The following STAU2 variants were observed in gnomAD, a reference collection of about 807,000 sequenced individuals.
STAU2 encodes staufen double-stranded RNA binding protein 2, also known as double-stranded RNA-binding protein Staufen homolog 2.
A neutral mutation model predicts 65.9 loss-of-function variants in STAU2; 20 were observed. The observed-to-expected ratio is 0.30, with a 90% CI of 0.21 to 0.44. The LOEUF is 0.44. Ranked by LOEUF, STAU2 falls within the 20% of genes least tolerant of loss-of-function variation. The pLI, the probability that STAU2 is intolerant of heterozygous loss-of-function variation, is 1.00. For missense variants in STAU2, 558 were observed against 683.9 expected (o/e 0.82, Z 2.05); for synonymous variants, 232 against 233.9 (o/e 0.99, Z 0.07).
intron 12 of STAU2, among the ~76,000 whole-genome samples, chr8:73,568,154 T>G (rs1317253322): frequency 2.0e-5 from 3 of 152,230 alleles, no homozygotes; most frequent in Non-Finnish European, 4.4e-5. Context: ...CTCTCACATC[T>G]CTTATTTCTG....
At chr8:73,576,553 G>A (rs556270784) in intron 12 of STAU2, among the ~76,000 whole-genome samples, 5 of 152,266 alleles carry the variant, frequency 3.3e-5, no homozygotes, top group African/African-American at 1.2e-4. Flanking sequence ...TGGGGGATAT[G>A]AAAGAGGAGA....
At chr8:73,449,082 G>C (rs1360679930) in intron 13 of STAU2, among the ~76,000 whole-genome samples, 1 of 152,238 alleles carries the variant, frequency 6.6e-6, no homozygotes, top group Non-Finnish European at 1.5e-5. Context: ...TGAGAGGCCT[G>C]GGCCAGCCAA....
rs146312383 is a variant in STAU2, at chr8:73,643,816, T to G, written c.411-26365A>C. ...GGTGTATTACTACAGCAGAATACTA[T>G]GTAAATTTATTAAATAGTTGTACAC... is the stretch of plus-strand genomic sequence containing the variant. On this transcript the variant is annotated intron_variant, in intron 6 of 14. Coordinates refer to ENST00000524300, the MANE Select transcript of STAU2 (RefSeq NM_001164380.2). Among the ~76,000 whole-genome samples, 48 of 152,350 alleles carry G rather than the reference T, an allele frequency of 3.2e-4. No individual in the cohort carries two copies. The South Asian group carries it at 9.3e-3, about 30-fold the overall frequency.
intron 6 of STAU2, among the ~76,000 whole-genome samples, chr8:73,623,666 G>A (rs1177811134): frequency 2.6e-5 from 4 of 152,144 alleles, no homozygotes; most frequent in Non-Finnish European, 5.9e-5. Flanking sequence ...GAATTCAAAT[G>A]ACATGTCGAT....
chr8:73,626,985 G>C (rs1322393816), intron 6 of STAU2, among the ~76,000 whole-genome samples: 1 of 151,970 alleles, frequency 6.6e-6, no homozygotes, highest in African/African-American at 2.4e-5. Flanking sequence ...GGCAGAAGCA[G>C]TAAGATGTGC....
At chr8:73,433,560 G>A (rs1381924550) in intron 13 of STAU2, among the ~76,000 whole-genome samples, 1 of 150,072 alleles carries the variant, frequency 6.7e-6, no homozygotes, top group African/African-American at 2.5e-5. Context: ...GAGTGCAGTG[G>A]CACAATATCA....
In STAU2 at chr8:73,531,935, A is replaced by C. The variant is rs138683859; in HGVS notation, c.1530+20077T>G. 3.9e-3 allele frequency among the ~76,000 whole-genome samples: 596 copies of C among 152,328 alleles called. 4 individuals are homozygous for C. The highest frequency in any genetic ancestry group is 0.014 in the African/African-American group (572 of 41,564). On this transcript the variant is annotated intron_variant, in intron 13 of 14. Coordinates refer to ENST00000524300, the MANE Select transcript of STAU2 (RefSeq NM_001164380.2). The stretch of plus-strand genomic sequence containing the variant: ...GAAAAATGAATAAAGATAATTATAG[A>C]AAATTACAAAAGAGTCATCACCCTA...
intron 12 of STAU2, among the ~76,000 whole-genome samples, chr8:73,578,789 T>A (rs1048527362): frequency 6.6e-6 from 1 of 152,188 alleles, no homozygotes; most frequent in Non-Finnish European, 1.5e-5. Context: ...TTAAGTTGGA[T>A]CACTCAGCTT....
chr8:73,605,227 A>G (rs1441136348), intron 9 of STAU2, among the ~76,000 whole-genome samples: 1 of 151,872 alleles, frequency 6.6e-6, no homozygotes, highest in Admixed American at 6.6e-5. Flanking sequence ...AGATCTAAAT[A>G]GTCAATACAT....
At chr8:73,537,591 G>GC (rs1318353032) in intron 13 of STAU2, among the ~76,000 whole-genome samples, 2 of 152,146 alleles carry the variant, frequency 1.3e-5, no homozygotes, top group African/African-American at 4.8e-5. Flanking sequence ...AGAACTGTCA[G>GC]CCCAGACTTT....
intron 13 of STAU2, among the ~76,000 whole-genome samples, chr8:73,504,412 T>C (rs1169072807): frequency 6.6e-6 from 1 of 152,150 alleles, no homozygotes; most frequent in African/African-American, 2.4e-5. Flanking sequence ...AAAATATTCA[T>C]ATTGCTATCA....
At chr8:73,426,363 G>T (rs1816825444) in intron 13 of STAU2, among the ~76,000 whole-genome samples, 1 of 152,032 alleles carries the variant, frequency 6.6e-6, no homozygotes, top group Non-Finnish European at 1.5e-5. Context: ...ACATATTACT[G>T]TTAACTATAG....
At chr8:73,485,349 T>A (rs961538118) in intron 13 of STAU2, among the ~76,000 whole-genome samples, 4 of 151,928 alleles carry the variant, frequency 2.6e-5, no homozygotes, top group African/African-American at 9.7e-5. Flanking sequence ...ATATAACACA[T>A]GAGCATTGAT....
At chr8:73,708,908 G>T in intron 4 of STAU2, 124 bp downstream of exon 4, 1 of 837,318 alleles carries the variant, frequency 1.2e-6, no homozygotes, top group Non-Finnish European at 1.6e-6. Context: ...TATTAATGTA[G>T]AACTAAAAGC....
Position 73,602,660 on chromosome 8 carries a change from C to T in STAU2, c.1029+1066G>A, listed in dbSNP as rs540906578. On this transcript the variant is annotated intron_variant, in intron 10 of 14. Transcript: ENST00000524300. ...ATCTCTTGAGCCCAGGAAATCAAGG[C>T]TGCAGTGAGCCATGATCATGCCACC... Among the ~76,000 whole-genome samples, 12 of 150,736 alleles carry T rather than the reference C, an allele frequency of 8.0e-5. No homozygotes were observed. The South Asian group carries it at 1.9e-3, about 24-fold the overall frequency.
At chr8:73,671,148 T>C (rs988339069) in intron 6 of STAU2, among the ~76,000 whole-genome samples, 3 of 152,166 alleles carry the variant, frequency 2.0e-5, no homozygotes, top group Admixed American at 1.3e-4. Context: ...TACTACTTGA[T>C]GGCCACGTGA....
Position 73,489,214 on chromosome 8 carries a change from C to T in STAU2, c.1530+62798G>A, listed in dbSNP as rs556240449. Among the ~76,000 whole-genome samples the T allele has an allele frequency of 3.5e-4, 53 of 151,802 alleles. No individual in the cohort carries two copies. In the South Asian group the frequency reaches 0.011, roughly 32 times the overall value. On this transcript the variant is annotated intron_variant, in intron 13 of 14. Transcript: ENST00000524300. ...GATCCATTATTTCCTTTTCAAGAGG[C>T]CTTCAATATTAGTTACTGAGAGAGC...
intron 13 of STAU2, among the ~76,000 whole-genome samples, chr8:73,462,023 G>A (rs1819377337): frequency 6.6e-6 from 1 of 152,028 alleles, no homozygotes; most frequent in African/African-American, 2.4e-5. Flanking sequence ...CATATAGAAT[G>A]ACTTTTTGTT....
chr8:73,623,478 A>G (rs930114246), intron 6 of STAU2, among the ~76,000 whole-genome samples: 1 of 152,194 alleles, frequency 6.6e-6, no homozygotes, highest in East Asian at 1.9e-4. Flanking sequence ...ACAGACTTAC[A>G]TCTTAAAATA....
Sources: gnomAD v4.1 joint callset for allele counts (sites outside exome capture counted in the v4.1 genomes callset) on GRCh38, gnomAD v4.1.1 for gene constraint, MANE v1.5 for transcripts, NCBI Gene and HGNC (gene_info 2026-07-23, HGNC 2026-07-21) for gene names.